ZFHX3: variants seen among roughly 807,000 people sequenced by gnomAD.
ZFHX3 encodes zinc finger homeobox protein 3.
Under a neutral mutation model 279.1 loss-of-function variants are expected in ZFHX3, and 42 were observed. The ratio of observed to expected loss-of-function variants is 0.15; its 90% CI spans 0.12 to 0.19. ZFHX3 has a LOEUF of 0.19. Ranked by LOEUF, ZFHX3 falls within the 10% of genes least tolerant of loss-of-function variation. ZFHX3 has a pLI of 1.00. For missense variants in ZFHX3, 4,981 were observed against 4,754.0 expected (o/e 1.05, Z -1.40); for synonymous variants, 2,293 against 1,957.8 (o/e 1.17, Z -4.52).
At chr16:73,817,164 G>A (rs1008317897) in intron 1 of ZFHX3, among the ~76,000 whole-genome samples, 2 of 152,172 alleles carry the variant, frequency 1.3e-5, no homozygotes, top group African/African-American at 4.8e-5. Context: ...ATGCAGCCAC[G>A]TGCATTAGTG....
At chr16:73,011,538 C>G (rs1051868420) in intron 1 of ZFHX3, among the ~76,000 whole-genome samples, 1 of 151,930 alleles carries the variant, frequency 6.6e-6, no homozygotes, top group Non-Finnish European at 1.5e-5. Context: ...GTCAAGAGAT[C>G]AAGACCATCC....
At chr16:72,906,999 C>T (rs1252270023) in intron 3 of ZFHX3, among the ~76,000 whole-genome samples, 5 of 152,184 alleles carry the variant, frequency 3.3e-5, no homozygotes, top group Non-Finnish European at 5.9e-5. Context: ...CATGTGGACA[C>T]AGACCTGGCC....
intron 3 of ZFHX3, among the ~76,000 whole-genome samples, chr16:72,940,689 C>T (rs78025059): frequency 6.6e-6 from 1 of 152,222 alleles, no homozygotes; most frequent in Non-Finnish European, 1.5e-5. Flanking sequence ...GTGCACAGGC[C>T]GGCCCTGCCA....
Position 73,617,997 on chromosome 16 carries a change from C to T in ZFHX3, c.-1547+62183G>A, listed in dbSNP as rs180777400. Among the ~76,000 whole-genome samples the T allele has an allele frequency of 1.4e-3, 207 of 152,290 alleles. 1 individual carries two copies. The highest frequency in any genetic ancestry group is 3.3e-3 in the Admixed American group (51 of 15,286). On this transcript the variant is annotated intron_variant, in intron 2 of 17. Coordinates refer to the ZFHX3 transcript ENST00000641206. The stretch of plus-strand genomic sequence containing the variant: ...GGCCTACACTGCAATAGAGCCACTT[C>T]TTTCTACATCATTAACTAATGTTCA...
intron 1 of ZFHX3, among the ~76,000 whole-genome samples, chr16:72,962,714 G>A (rs947845247): frequency 1.3e-5 from 2 of 151,996 alleles, no homozygotes; most frequent in African/African-American, 4.8e-5. Flanking sequence ...CCATCCTCAG[G>A]GACCATGCAT....
intron 1 of ZFHX3, among the ~76,000 whole-genome samples, chr16:73,823,049 T>C (rs1960793801): frequency 6.6e-6 from 1 of 152,292 alleles, no homozygotes; most frequent in Non-Finnish European, 1.5e-5. Context: ...CCTGCCCTTA[T>C]GGAGCTTAGA....
intron 4 of ZFHX3, among the ~76,000 whole-genome samples, chr16:72,872,104 C>CA (rs56164835): frequency 0.66 from 98,963 of 150,210 alleles, 33,078 homozygotes; most frequent in African/African-American, 0.78. Context: ...AAACAAAAAA[C>CA]AAAAAAAAAA....
chr16:73,586,488 GA>G (rs2051928419), intron 2 of ZFHX3, among the ~76,000 whole-genome samples: 1 of 149,288 alleles, frequency 6.7e-6, no homozygotes, highest in South Asian at 2.1e-4. Context: ...ACTCTGGGAG[GA>G]AAAAACAACC....
intron 3 of ZFHX3, among the ~76,000 whole-genome samples, chr16:73,339,930 C>T (rs2015998734): frequency 6.6e-6 from 1 of 152,126 alleles, no homozygotes; most frequent in African/African-American, 2.4e-5. Flanking sequence ...CTCGACAAAC[C>T]CAGCAAATTA....
chr16:72,782,950 A>G lies in ZFHX3; in HGVS notation c.*4214T>C, dbSNP rs1009654412. ...GAAACATACTTGATGAAATATTTTC[A>G]AAGGAGTATATTCAATTACCATCTA... On this transcript the variant is annotated 3_prime_UTR_variant, in exon 10 of 10. Coordinates refer to ENST00000268489, the MANE Select transcript of ZFHX3 (RefSeq NM_006885.4). 1 of 152,586 alleles carries G rather than the reference A, an allele frequency of 6.6e-6. No individual in the cohort carries two copies. The highest frequency in any genetic ancestry group is 2.4e-5 in the African/African-American group (1 of 41,442). 9.5% of individuals were successfully genotyped at this position (152,586 alleles called of 1,614,324 possible). A position where few individuals can be genotyped will look rare whatever the true frequency, so the allele number is the denominator to read the frequency against.
chr16:73,609,122 T>C (rs2052220011), intron 2 of ZFHX3: 1 of 152,202 alleles, frequency 6.6e-6, no homozygotes, highest in Admixed American at 6.5e-5. Flanking sequence ...CAGCTTTCAT[T>C]CTGGTAGAAA....
chr16:73,585,797 T>C (rs2051920135), intron 2 of ZFHX3, among the ~76,000 whole-genome samples: 6 of 152,172 alleles, frequency 3.9e-5, no homozygotes, highest in Admixed American at 3.3e-4. Context: ...GTTAAAATGT[T>C]TCAAGGTCTT....
intron 2 of ZFHX3, among the ~76,000 whole-genome samples, chr16:73,457,615 A>C (rs887639040): frequency 6.6e-6 from 1 of 152,168 alleles, no homozygotes; most frequent in African/African-American, 2.4e-5. Context: ...TCTACTAAAA[A>C]TACAAAAATT....
At chr16:73,095,495 G>A (rs1007223692) in intron 7 of ZFHX3, among the ~76,000 whole-genome samples, 2 of 152,170 alleles carry the variant, frequency 1.3e-5, no homozygotes, top group South Asian at 4.1e-4. Flanking sequence ...TCGACAACTG[G>A]CATGTTGCCC....
intron 1 of ZFHX3, among the ~76,000 whole-genome samples, chr16:73,732,646 TCA>T (rs1429179827): frequency 6.6e-6 from 1 of 152,262 alleles, no homozygotes; most frequent in African/African-American, 2.4e-5. Context: ...ATGACAGAAT[TCA>T]CAGTTAAATC....
At chr16:73,726,094 T>C (rs982899549) in intron 1 of ZFHX3, among the ~76,000 whole-genome samples, 1 of 152,170 alleles carries the variant, frequency 6.6e-6, no homozygotes, top group Non-Finnish European at 1.5e-5. Flanking sequence ...ACAAATAGAC[T>C]AATGATAAGG....
intron 3 of ZFHX3, among the ~76,000 whole-genome samples, chr16:72,910,453 T>A (rs115513532): frequency 3.9e-4 from 59 of 152,350 alleles, no homozygotes; most frequent in African/African-American, 1.4e-3. Flanking sequence ...AAATCTGGAT[T>A]GAGAAAAATG....
At chr16:73,553,378 A>C (rs1452229203) in intron 2 of ZFHX3, among the ~76,000 whole-genome samples, 2 of 152,160 alleles carry the variant, frequency 1.3e-5, no homozygotes, top group Non-Finnish European at 2.9e-5. Flanking sequence ...ACATGAGATA[A>C]AAATATACAG....
chr16:72,849,689 C>T lies in ZFHX3; in HGVS notation c.3449-19830G>A, dbSNP rs184506055. ...CCTAACCAATGGCGGATGTAACAAG[C>T]GTTCTTATTGGCATATCAATTAATG... On this transcript the variant is annotated intron_variant, in intron 4 of 9. Coordinates refer to ENST00000268489, the MANE Select transcript of ZFHX3 (RefSeq NM_006885.4). 1.7e-4 allele frequency among the ~76,000 whole-genome samples: 26 copies of T among 152,040 alleles called. 1 individual carries two copies. The East Asian group carries it at 3.9e-3, about 23-fold the overall frequency.
Sources: allele counts gnomAD v4.1 joint callset (sites outside exome capture counted in the v4.1 genomes callset), GRCh38; gene constraint gnomAD v4.1.1; transcripts MANE v1.5; gene names NCBI Gene and HGNC (gene_info 2026-07-23, HGNC 2026-07-21).